ATAD2B: variants seen among roughly 807,000 people sequenced by gnomAD.
ATAD2B encodes the protein ATPase family AAA domain-containing protein 2B.
A neutral mutation model predicts 167.6 loss-of-function variants in ATAD2B; 40 were observed. The observed-to-expected ratio is 0.24, with a 90% confidence interval of 0.19 to 0.31. The LOEUF is 0.31. Among genes scored for constraint, ATAD2B ranks in the 10% least tolerant of loss-of-function variants. The pLI, the probability that ATAD2B is intolerant of heterozygous loss-of-function variation, is 1.00. For synonymous variants in ATAD2B, 579 were observed against 596.5 expected (o/e 0.97, Z 0.43); for missense variants, 1,242 against 1,757.2 (o/e 0.71, Z 5.24).
chr2:23,831,270 G>A (rs1406496406), intron 14 of ATAD2B, among the ~76,000 whole-genome samples: 1 of 152,098 alleles, frequency 6.6e-6, no homozygotes, highest in African/African-American at 2.4e-5. Flanking sequence ...TAAAAATGAT[G>A]ATAAAGGAAA....
chr2:23,899,296 C>T (rs867512134), intron 1 of ATAD2B, among the ~76,000 whole-genome samples: 5 of 135,390 alleles, frequency 3.7e-5, no homozygotes, highest in Admixed American at 7.6e-5. Context: ...AGAGCAAGAC[C>T]CCATCTCAAA....
chr2:23,698,367 G>T, the ATAD2B span, among the ~76,000 whole-genome samples: 3 of 152,174 alleles, frequency 2.0e-5, no homozygotes, highest in Non-Finnish European at 4.4e-5. Flanking sequence ...GGGAAGGAAC[G>T]CTCACTGCTT....
chr2:23,696,212 G>A, the ATAD2B span: 1 of 1,495,984 alleles, frequency 6.7e-7, no homozygotes, highest in Non-Finnish European at 9.0e-7. The surrounding 1 kb of genome is among the most constrained non-coding windows in gnomAD (Gnocchi z 5.5). Context: ...GCTGAGGAAG[G>A]CCATGGCCCA....
chr2:23,824,831 G>T (rs78045089), intron 15 of ATAD2B, among the ~76,000 whole-genome samples: 1,765 of 152,268 alleles, frequency 0.012, 42 homozygotes, highest in African/African-American at 0.04. Flanking sequence ...TTCCCTGTTG[G>T]CAATTAAACT....
intron 15 of ATAD2B, among the ~76,000 whole-genome samples, chr2:23,828,085 T>A (rs967936309): frequency 3.9e-5 from 6 of 151,964 alleles, no homozygotes; most frequent in Middle Eastern, 3.4e-3. Context: ...TTTTTTTTTT[T>A]ATTTATATTT....
intron 22 of ATAD2B, among the ~76,000 whole-genome samples, chr2:23,773,229 G>C (rs1678602398): frequency 6.6e-6 from 1 of 152,096 alleles, no homozygotes; most frequent in African/African-American, 2.4e-5. Flanking sequence ...AACATGGTTG[G>C]GCATGTTGGC....
intron 19 of ATAD2B, among the ~76,000 whole-genome samples, chr2:23,790,332 G>A (rs540742606): frequency 6.6e-5 from 10 of 152,104 alleles, no homozygotes; most frequent in Non-Finnish European, 1.0e-4. Flanking sequence ...AAAGACACTA[G>A]GTAAGATGTA....
intron 19 of ATAD2B, among the ~76,000 whole-genome samples, chr2:23,789,210 C>T (rs1243358805): frequency 6.6e-6 from 1 of 152,096 alleles, no homozygotes; most frequent in Non-Finnish European, 1.5e-5. Flanking sequence ...ATTCTCATAT[C>T]CTTCAGCTCC....
At chr2:23,698,869 C>T in the ATAD2B span, among the ~76,000 whole-genome samples, 4 of 152,270 alleles carry the variant, frequency 2.6e-5, no homozygotes, top group East Asian at 3.9e-4. Flanking sequence ...TCAGGAAATT[C>T]GCATTTGGTG....
chr2:23,825,635 T>C (rs1251807319), intron 15 of ATAD2B, among the ~76,000 whole-genome samples: 1 of 152,222 alleles, frequency 6.6e-6, no homozygotes, highest in Non-Finnish European at 1.5e-5. Context: ...ATGTCTTCCA[T>C]TTCCGAGGAA....
the ATAD2B span, among the ~76,000 whole-genome samples, chr2:23,741,996 A>C: frequency 6.6e-6 from 1 of 152,228 alleles, no homozygotes; most frequent in African/African-American, 2.4e-5. Flanking sequence ...AATCAAAACC[A>C]CAATGAGATA....
chr2:23,691,566 C>A, the ATAD2B span: 1 of 881,522 alleles, frequency 1.1e-6, no homozygotes, highest in Non-Finnish European at 1.8e-6. Context: ...TCCTTTGAGC[C>A]CTAAAACCAA....
chr2:23,893,664 A>C (rs1305126399), intron 2 of ATAD2B, among the ~76,000 whole-genome samples: 1 of 148,896 alleles, frequency 6.7e-6, no homozygotes, highest in African/African-American at 2.5e-5. Flanking sequence ...AAAAAAAAAA[A>C]AACTTTTTTT....
intron 1 of ATAD2B, among the ~76,000 whole-genome samples, chr2:23,900,183 TG>T (rs1179153684): frequency 6.6e-6 from 1 of 152,076 alleles, no homozygotes; most frequent in Non-Finnish European, 1.5e-5. Context: ...CCGAAAGTGC[TG>T]GGATTAGAAG....
Position 23,869,708 on chromosome 2 carries a change from C to T in ATAD2B, c.1031G>A (p.Arg344His), listed in dbSNP as rs1222581341. Reference sequence around the variant, plus strand: ...GCTCTTTGATTTCCTTCTTTCAAAGCGTTCCTCATCAGAAGAAGTTGTGTC... The same window carrying T: ...GCTCTTTGATTTCCTTCTTTCAAAGTGTTCCTCATCAGAAGAAGTTGTGTC... ...SSDTTSSDEE[R>H]FERRKSKSMA... is the part of the protein sequence containing the mutation. Residue 344 changes from arginine (R) to histidine (H), a missense_variant, in exon 9 of 28, where the codon CGC becomes CAC. By Grantham distance (29) the Arg-to-His change is conservative. Transcript: ENST00000238789. 3 of 1,568,570 alleles carry T rather than the reference C, an allele frequency of 1.9e-6. No individual in the cohort carries two copies. The highest frequency in any genetic ancestry group is 1.3e-5 in the African/African-American group (1 of 74,344).
chr2:23,831,530 C>T (rs372757605), intron 14 of ATAD2B, among the ~76,000 whole-genome samples: 16 of 152,284 alleles, frequency 1.1e-4, no homozygotes, highest in African/African-American at 3.9e-4. Flanking sequence ...GTTCATTATG[C>T]CTTTCTCCTA....
chr2:23,900,470 G>GACATTCTTT, intron 1 of ATAD2B, among the ~76,000 whole-genome samples: 1 of 152,266 alleles, frequency 6.6e-6, no homozygotes. Flanking sequence ...ACTAATCCAA[G>GACATTCTTT]ACATTCTTTA....
intron 12 of ATAD2B, among the ~76,000 whole-genome samples, chr2:23,862,275 A>G (rs1016435108): frequency 6.6e-6 from 1 of 152,308 alleles, no homozygotes; most frequent in East Asian, 1.9e-4. Context: ...GGGTGCTCAA[A>G]GCTTGAAGTT....
intron 10 of ATAD2B, among the ~76,000 whole-genome samples, chr2:23,866,393 G>A (rs911502267): frequency 1.8e-4 from 28 of 152,012 alleles, no homozygotes; most frequent in African/African-American, 6.5e-4. Context: ...CAACAAGAGC[G>A]AAACTCCATC....
Sources: allele counts gnomAD v4.1 joint callset (sites outside exome capture counted in the v4.1 genomes callset), GRCh38; gene constraint gnomAD v4.1.1; non-coding constraint Gnocchi (gnomAD v3.1); transcripts MANE v1.5; gene names NCBI Gene and HGNC (gene_info 2026-07-23, HGNC 2026-07-21).